SLC25A13: variants seen among roughly 807,000 people sequenced by gnomAD.
SLC25A13 encodes solute carrier family 25 member 13.
SLC25A13 carries 70 observed loss-of-function variants against 85.5 expected under a neutral mutation model. The observed-to-expected ratio is 0.82, with a 90% confidence interval of 0.68 to 1.00. SLC25A13 has a LOEUF of 1.00. Ranked by LOEUF, SLC25A13 falls within the 50% of genes least tolerant of loss-of-function variation. The pLI is 0.00. For synonymous variants in SLC25A13, 259 were observed against 288.7 expected (o/e 0.90, Z 1.04); for missense variants, 765 against 819.8 (o/e 0.93, Z 0.82).
intron 3 of SLC25A13, among the ~76,000 whole-genome samples, chr7:96,252,773 A>C (rs993178936): frequency 1.3e-5 from 2 of 152,160 alleles, no homozygotes; most frequent in African/African-American, 4.8e-5. Flanking sequence ...AGAGCAGCAG[A>C]GGAAACTTGG....
chr7:96,222,707 G>A (rs888805834), intron 4 of SLC25A13, among the ~76,000 whole-genome samples: 10 of 152,138 alleles, frequency 6.6e-5, no homozygotes, highest in African/African-American at 2.2e-4. Flanking sequence ...GCCTCCCAAA[G>A]TGCTGGGATT....
At chr7:96,241,342 A>C (rs557679705) in intron 3 of SLC25A13, among the ~76,000 whole-genome samples, 4 of 152,242 alleles carry the variant, frequency 2.6e-5, no homozygotes, top group Non-Finnish European at 5.9e-5. Context: ...TGCAAACTTT[A>C]ATCTACAAGG....
Position 96,320,531 on chromosome 7 carries a change from G to A in SLC25A13, c.15+1411C>T, listed in dbSNP as rs150868552. 4.6e-5 allele frequency among the ~76,000 whole-genome samples: 7 copies of A among 152,236 alleles called. 1 individual carries two copies. Among genetic ancestry groups the A allele is most frequent in the Non-Finnish European group, 1.0e-4 (7 of 68,014 alleles). ...GCATGCAAATTTAATGCAAAAAAAA[G>A]GTCAAGGGCTATTGGGCTTGAAAGG... On this transcript the variant is annotated intron_variant, in intron 1 of 17. Transcript: ENST00000265631.
intron 13 of SLC25A13, among the ~76,000 whole-genome samples, chr7:96,168,098 G>GGAAAAA (rs1793836839): frequency 1.5e-4 from 3 of 19,724 alleles, no homozygotes; most frequent in Non-Finnish European, 3.8e-4. Context: ...AACTCTGTCT[G>GGAAAAA]AAAAAAAAAA....
chr7:96,131,844 G>A lies in SLC25A13; in HGVS notation c.1490C>T (p.Ser497Leu), dbSNP rs1487481217. ...AGCATAGCACGGAAAGTAGATGGCC[G>A]AGAAAGGAATGTCCCGCAGAAAGCA... ...KACFLRDIPF[S>L]AIYFPCYAHV... The change falls in exon 15 of 18, where the codon TCG becomes TTG. Residue 497 changes from serine (S) to leucine (L), a missense_variant. Ser to Leu is a moderately radical substitution (Grantham distance 145). Coordinates refer to ENST00000265631, the MANE Select transcript of SLC25A13 (RefSeq NM_014251.3). 25 of 1,613,878 alleles carry A rather than the reference G, an allele frequency of 1.5e-5. No individual in the cohort carries two copies. Among genetic ancestry groups the A allele is most frequent in the Non-Finnish European group, 2.1e-5 (25 of 1,179,984 alleles).
intron 4 of SLC25A13, among the ~76,000 whole-genome samples, chr7:96,229,410 T>C (rs2116794688): frequency 6.6e-6 from 1 of 152,222 alleles, no homozygotes; most frequent in African/African-American, 2.4e-5. Context: ...ATCAGCTCTC[T>C]GTAAAATGGA....
chr7:96,139,945 C>CTTTTTTTT (rs59749381), intron 14 of SLC25A13, among the ~76,000 whole-genome samples: 9 of 86,370 alleles, frequency 1.0e-4, no homozygotes, highest in Admixed American at 3.0e-4. Context: ...GATTTCCATT[C>CTTTTTTTT]TTTTTTTTTT....
chr7:96,264,691 A>T (rs992706568), intron 3 of SLC25A13, among the ~76,000 whole-genome samples: 8 of 152,082 alleles, frequency 5.3e-5, no homozygotes, highest in Non-Finnish European at 1.0e-4. Flanking sequence ...ATATAAATAT[A>T]TTTGTATGAA....
chr7:96,152,431 G>A (rs565142890), intron 13 of SLC25A13, among the ~76,000 whole-genome samples: 5 of 152,290 alleles, frequency 3.3e-5, no homozygotes, highest in African/African-American at 4.8e-5. Context: ...GCCAGAATTA[G>A]AACAGTCATA....
chr7:96,248,905 T>TGTC, intron 3 of SLC25A13, among the ~76,000 whole-genome samples: 1 of 152,356 alleles, frequency 6.6e-6, no homozygotes, highest in Non-Finnish European at 1.5e-5. Context: ...CATTCTACAA[T>TGTC]TTCAAATAAA....
intron 3 of SLC25A13, among the ~76,000 whole-genome samples, chr7:96,263,732 C>T (rs1002491781): frequency 2.2e-4 from 33 of 152,144 alleles, no homozygotes; most frequent in Non-Finnish European, 5.9e-5. Context: ...ATATACTGAT[C>T]CTTCAAACAC....
At chr7:96,192,613 G>A (rs957757258) in intron 6 of SLC25A13, among the ~76,000 whole-genome samples, 3 of 151,850 alleles carry the variant, frequency 2.0e-5, no homozygotes, top group East Asian at 3.9e-4. Flanking sequence ...ACACATACAC[G>A]GTGAAAGGGA....
At chr7:96,266,628 AC>A (rs1798051564) in intron 3 of SLC25A13, among the ~76,000 whole-genome samples, 1 of 152,150 alleles carries the variant, frequency 6.6e-6, no homozygotes, top group South Asian at 2.1e-4. Context: ...AAACCCAGGC[AC>A]CTGACATTCC....
rs145482875 is a variant in SLC25A13, at chr7:96,203,497, C to A, written c.468+5341G>T. 1.6e-3 allele frequency among the ~76,000 whole-genome samples: 240 copies of A among 152,270 alleles called. 3 individuals are homozygous for A. The highest frequency in any genetic ancestry group is 5.6e-3 in the African/African-American group (231 of 41,538). ...CAGAAAACTTCTTTAGGCTTCTGTT[C>A]ACTCAGCTTTCATAGGGAAACAACA... On this transcript the variant is annotated intron_variant, in intron 5 of 17. Transcript: ENST00000265631.
chr7:96,147,221 A>T (rs755379138), intron 13 of SLC25A13, among the ~76,000 whole-genome samples: 6 of 152,224 alleles, frequency 3.9e-5, no homozygotes, highest in Non-Finnish European at 8.8e-5. Flanking sequence ...ACGTAAACTT[A>T]GATGAAAGTT....
intron 5 of SLC25A13, among the ~76,000 whole-genome samples, chr7:96,193,710 C>T (rs183110303): frequency 1.9e-4 from 29 of 152,328 alleles, no homozygotes; most frequent in Non-Finnish European, 3.7e-4. Context: ...GCATTTTGGA[C>T]AGGGTAAGTC....
intron 9 of SLC25A13, among the ~76,000 whole-genome samples, chr7:96,188,455 GTC>G (rs1284046533): frequency 7.9e-5 from 12 of 152,172 alleles, no homozygotes; most frequent in Admixed American, 2.6e-4. Flanking sequence ...TCACACTGGC[GTC>G]TCTGTACAAA....
At chr7:96,177,002 A>G (rs527298077) in intron 11 of SLC25A13, among the ~76,000 whole-genome samples, 19 of 152,240 alleles carry the variant, frequency 1.2e-4, no homozygotes, top group African/African-American at 4.3e-4. Context: ...CTTACTATCT[A>G]TTGGTTTATT....
At chr7:96,252,044 T>C (rs1330657683) in intron 3 of SLC25A13, among the ~76,000 whole-genome samples, 1 of 152,242 alleles carries the variant, frequency 6.6e-6, no homozygotes, top group African/African-American at 2.4e-5. Flanking sequence ...TATATGACTT[T>C]ATGAAACAAG....
Sources: gnomAD v4.1 joint callset for allele counts (sites outside exome capture counted in the v4.1 genomes callset) on GRCh38, gnomAD v4.1.1 for gene constraint, MANE v1.5 for transcripts, NCBI Gene and HGNC (gene_info 2026-07-23, HGNC 2026-07-21) for gene names.